The following GTPBP8 variants were observed in gnomAD, a reference collection of about 807,000 sequenced individuals.
GTPBP8 encodes the protein GTP binding protein 8.
Under a neutral mutation model 27.3 loss-of-function variants are expected in GTPBP8, and 21 were observed. That is an observed-to-expected ratio of 0.77 (90% CI 0.55 to 1.11). GTPBP8 has a LOEUF of 1.11. Among genes scored for constraint, GTPBP8 ranks in the 50% least tolerant of loss-of-function variants. GTPBP8 has a pLI of 0.00. For synonymous variants in GTPBP8, 147 were observed against 135.3 expected (o/e 1.09, Z -0.60); for missense variants, 380 against 350.8 (o/e 1.08, Z -0.67).
chr3:112,995,604 T>C (rs982698874), intron 3 of GTPBP8, among the ~76,000 whole-genome samples: 5 of 151,986 alleles, frequency 3.3e-5, no homozygotes, highest in Admixed American at 6.6e-5. Flanking sequence ...TCATGCAATC[T>C]AGGATCACTG....
At position 113,001,075 on chromosome 3, in the gene GTPBP8, C is replaced by G. The variant is rs971473511; in HGVS notation, c.*156C>G. 1 of 557,676 alleles carries G rather than the reference C, an allele frequency of 1.8e-6. No homozygotes were observed. Among genetic ancestry groups the G allele is most frequent in the Non-Finnish European group, 3.2e-6 (1 of 316,700 alleles). 34.5% of individuals were successfully genotyped at this position (557,676 alleles called of 1,614,324 possible). ...CTTTAAAACCTGTGCCTTCTCGAAACAAGAATTTGTGCCTGAGGTGAAAAA... is the reference window on the plus strand; with the variant it reads ...CTTTAAAACCTGTGCCTTCTCGAAAGAAGAATTTGTGCCTGAGGTGAAAAA... On this transcript the variant is annotated 3_prime_UTR_variant, in exon 6 of 6. Coordinates refer to ENST00000383678, the MANE Select transcript of GTPBP8 (RefSeq NM_014170.4).
rs973003097 is a variant in GTPBP8, at chr3:112,998,533, T to C, written c.667-913T>C. ...GTCTTCCTGGGCTTTTATGGAAGCT[T>C]CATAACATCAGCATCCCTTCCCCCA... On this transcript the variant is annotated intron_variant, in intron 4 of 5. Transcript: ENST00000383678. Among the ~76,000 whole-genome samples, 4 of 152,114 alleles carry C rather than the reference T, an allele frequency of 2.6e-5. No homozygotes were observed. The South Asian group carries it at 6.2e-4, about 24-fold the overall frequency.
At chr3:112,995,012 A>G in intron 2 of GTPBP8, 123 bp from the exon 3 acceptor site, 1 of 662,396 alleles carries the variant, frequency 1.5e-6, no homozygotes, top group Non-Finnish European at 2.6e-6. Context: ...TCATCAGCAT[A>G]GTTAAGGTTA....
intron 4 of GTPBP8, 90 bp from the exon 5 acceptor site, chr3:112,999,356 C>T (rs1243706533): frequency 1.9e-5 from 10 of 539,838 alleles, no homozygotes; most frequent in Admixed American, 6.9e-5. Context: ...GCACGGGTCA[C>T]CTAGTTGTAA....
chr3:112,994,365 G>T (rs1349561674), intron 2 of GTPBP8, among the ~76,000 whole-genome samples: 2 of 151,586 alleles, frequency 1.3e-5, no homozygotes, highest in African/African-American at 4.9e-5. Flanking sequence ...GGAGGTTGCG[G>T]TGAGCTGAGA....
At chr3:112,998,465 G>A (rs1223508974) in intron 4 of GTPBP8, among the ~76,000 whole-genome samples, 1 of 152,074 alleles carries the variant, frequency 6.6e-6, no homozygotes, top group Non-Finnish European at 1.5e-5. Context: ...CCACCCTTTG[G>A]AAACCTACCT....
At position 112,999,434 on chromosome 3, in the gene GTPBP8, GTT is replaced by G. The variant is rs140186998; in HGVS notation, c.667-9_667-8del. 8.9e-5 allele frequency: 87 copies of G among 974,684 alleles called. No homozygotes were observed. The highest frequency in any genetic ancestry group is 1.3e-4 in the Non-Finnish European group (82 of 643,004). 60.4% of individuals were successfully genotyped at this position (974,684 alleles called of 1,614,324 possible). A position where few individuals can be genotyped will look rare whatever the true frequency, so the allele number is the denominator to read the frequency against. On this transcript the variant is annotated splice_polypyrimidine_tract_variant and intron_variant, in intron 4 of 5. Coordinates refer to ENST00000383678, the MANE Select transcript of GTPBP8 (RefSeq NM_014170.4). ...CTTTATTTCTAATGCATAAAAATTT[GTT>G]TTCTTATAGATTGTATTAACAAAAA...
intron 4 of GTPBP8, 87 bp downstream of exon 4, chr3:112,997,078 C>T: frequency 3.0e-6 from 2 of 669,338 alleles, no homozygotes; most frequent in South Asian, 1.7e-5. Flanking sequence ...AACAATTGAG[C>T]TTGTGTTGCC....
At chr3:112,995,963 C>T (rs1201503392) in intron 3 of GTPBP8, among the ~76,000 whole-genome samples, 1 of 152,162 alleles carries the variant, frequency 6.6e-6, no homozygotes, top group East Asian at 1.9e-4. Context: ...AATGATATCT[C>T]TTTTTTGTCT....
At chr3:112,994,733 C>G (rs931521115) in intron 2 of GTPBP8, among the ~76,000 whole-genome samples, 5 of 152,274 alleles carry the variant, frequency 3.3e-5, no homozygotes, top group Admixed American at 6.5e-5. Flanking sequence ...TTTAACCTAT[C>G]CTTGCCATAA....
chr3:112,992,965 C>T, intron 1 of GTPBP8, 61 bp from the exon 2 acceptor site: 2 of 840,284 alleles, frequency 2.4e-6, no homozygotes, highest in South Asian at 1.6e-5. Context: ...AAGTTTTTTA[C>T]ATCTAATGCA....
In GTPBP8 at chr3:112,996,995, A is replaced by G; in HGVS notation, c.666+4A>G. The G allele has an allele frequency of 3.1e-6, 4 of 1,306,304 alleles. No homozygotes were observed. Among genetic ancestry groups the G allele is most frequent in the Non-Finnish European group, 3.3e-6 (3 of 901,688 alleles). 80.9% of individuals were successfully genotyped at this position (1,306,304 alleles called of 1,614,324 possible). ...AGAATTTGCATTACCTTATGTGGTAAGTACTTCCTTTGAATCATGGTTGCA... is the reference window on the plus strand; with the variant it reads ...AGAATTTGCATTACCTTATGTGGTAGGTACTTCCTTTGAATCATGGTTGCA... On this transcript the variant is annotated splice_donor_region_variant and intron_variant, in intron 4 of 5. Transcript: ENST00000383678.
Position 112,996,992 on chromosome 3 carries a change from G to GT in GTPBP8, c.666+2dup, listed in dbSNP as rs1167495618. 2 of 1,333,038 alleles carry GT rather than the reference G, an allele frequency of 1.5e-6. No individual in the cohort carries two copies. The highest frequency in any genetic ancestry group is 1.2e-5 in the South Asian group (1 of 84,776). 82.6% of individuals were successfully genotyped at this position (1,333,038 alleles called of 1,614,324 possible). Reference sequence around the variant, plus strand: ...TGAAGAATTTGCATTACCTTATGTGGTAAGTACTTCCTTTGAATCATGGTT... The same window carrying GT: ...TGAAGAATTTGCATTACCTTATGTGGTTAAGTACTTCCTTTGAATCATGGTT... On this transcript the variant is annotated splice_donor_variant, in intron 4 of 5. Transcript: ENST00000383678. LOFTEE classifies it high-confidence loss of function.
chr3:112,999,445 G>A lies in GTPBP8; in HGVS notation c.667-1G>A. 2.5e-6 allele frequency: 3 copies of A among 1,207,374 alleles called. No individual in the cohort carries two copies. Among genetic ancestry groups the A allele is most frequent in the Non-Finnish European group, 3.6e-6 (3 of 840,254 alleles). The allele number at this position is 1,207,374 out of a possible 1,614,324, so 74.8% of individuals were successfully genotyped here. A position where few individuals can be genotyped will look rare whatever the true frequency, so the allele number is the denominator to read the frequency against. ...ATGCATAAAAATTTGTTTTCTTATAGATTGTATTAACAAAAATTGACAAAT... is the reference window on the plus strand; with the variant it reads ...ATGCATAAAAATTTGTTTTCTTATAAATTGTATTAACAAAAATTGACAAAT... On this transcript the variant is annotated splice_acceptor_variant, in intron 4 of 5. Transcript: ENST00000383678. LOFTEE classifies it high-confidence loss of function.
At chr3:112,997,018 G>T (rs1307215407) in intron 4 of GTPBP8, 27 bp downstream of exon 4, 1 of 1,030,158 alleles carries the variant, frequency 9.7e-7, no homozygotes, top group Admixed American at 1.7e-5. Flanking sequence ...AATCATGGTT[G>T]CAATTAGAAA....
intron 2 of GTPBP8, among the ~76,000 whole-genome samples, chr3:112,993,586 T>C (rs1298805269): frequency 6.6e-6 from 1 of 152,030 alleles, no homozygotes; most frequent in South Asian, 2.1e-4. Flanking sequence ...TGTAATAGCT[T>C]TCTTTCATTT....
intron 3 of GTPBP8, among the ~76,000 whole-genome samples, chr3:112,995,533 A>ATT (rs397962695): frequency 7.0e-6 from 1 of 143,314 alleles, no homozygotes; most frequent in South Asian, 2.2e-4. Flanking sequence ...GTACTTCAGC[A>ATT]TTTTTTTTTT....
At chr3:113,000,210 G>A (rs1933865778) in intron 5 of GTPBP8, among the ~76,000 whole-genome samples, 1 of 151,876 alleles carries the variant, frequency 6.6e-6, no homozygotes, top group African/African-American at 2.4e-5. Context: ...TCAACATGGT[G>A]AAACCCCATC....
chr3:112,993,040 C>A lies in GTPBP8; in HGVS notation c.351C>A (p.Gly117=). The A allele has an allele frequency of 6.2e-7, 1 of 1,602,284 alleles. No individual in the cohort carries two copies. The highest frequency in any genetic ancestry group is 8.5e-7 in the Non-Finnish European group (1 of 1,169,688). ...DLPRPEVCFI[G]RSNVGKSSLI... The stretch of plus-strand genomic sequence containing the variant: ...TCTTGTATAAGGTGTGTTTTATAGG[C>A]AGAAGCAATGTTGGAAAATCATCTC... Residue 117 remains glycine (G), a synonymous_variant, in exon 2 of 6, where the codon GGC becomes GGA. Transcript: ENST00000383678.
Sources: gnomAD v4.1 joint callset for allele counts (sites outside exome capture counted in the v4.1 genomes callset) on GRCh38, gnomAD v4.1.1 for gene constraint, MANE v1.5 for transcripts, NCBI Gene and HGNC (gene_info 2026-07-23, HGNC 2026-07-21) for gene names.